Variants in URI1 observed in about 807,000 individuals in gnomAD.
URI1 encodes the protein URI1 prefoldin like chaperone, also known as unconventional prefoldin RPB5 interactor 1.
In URI1, 39 loss-of-function variants were observed where a neutral mutation model predicts 60.2. The ratio of observed to expected loss-of-function variants is 0.65; its 90% CI spans 0.50 to 0.85. The LOEUF (loss-of-function observed/expected upper bound fraction) is 0.85. Ranked by LOEUF, URI1 falls within the 40% of genes least tolerant of loss-of-function variation. The pLI is 0.00. For synonymous variants in URI1, 251 were observed against 236.8 expected (o/e 1.06, Z -0.55); for missense variants, 691 against 665.9 (o/e 1.04, Z -0.42).
intron 1 of URI1, among the ~76,000 whole-genome samples, chr19:29,968,434 C>G (rs1357075848): frequency 2.0e-5 from 3 of 151,630 alleles, no homozygotes; most frequent in Non-Finnish European, 2.9e-5. Context: ...AAATTTAATA[C>G]TTAAAGTAAT....
intron 2 of URI1, 42 bp downstream of exon 2, chr19:29,971,269 G>A: frequency 6.3e-7 from 1 of 1,597,208 alleles, no homozygotes; most frequent in Non-Finnish European, 8.6e-7. Flanking sequence ...AAATACTGAT[G>A]GGGTAACCTA....
intron 1 of URI1, among the ~76,000 whole-genome samples, chr19:29,935,078 T>A (rs541080583): frequency 9.2e-5 from 14 of 152,352 alleles, no homozygotes; most frequent in Admixed American, 2.6e-4. Context: ...GTACATTTTT[T>A]AAATTTTGTT....
At chr19:29,937,843 C>A (rs2054986843), upstream of URI1, 1 of 152,190 alleles carries the variant, frequency 6.6e-6, no homozygotes, top group African/African-American at 2.4e-5. Context: ...TGCAACCAGC[C>A]AGCCATTCCA....
chr19:29,951,980 A>G (rs930273732), intron 1 of URI1, among the ~76,000 whole-genome samples: 10 of 152,258 alleles, frequency 6.6e-5, no homozygotes, highest in Middle Eastern at 3.2e-3. Flanking sequence ...AGAAATGCTT[A>G]GAAACCAAGA....
intron 1 of URI1, among the ~76,000 whole-genome samples, chr19:29,931,910 T>TTTTG (rs1555734364): frequency 7.1e-6 from 1 of 139,992 alleles, no homozygotes; most frequent in Admixed American, 7.2e-5. Context: ...GCTCTAACAG[T>TTTTG]TGTGTGTGTG....
intron 4 of URI1, among the ~76,000 whole-genome samples, chr19:29,989,583 C>T (rs1051826960): frequency 6.6e-5 from 10 of 151,090 alleles, no homozygotes; most frequent in South Asian, 2.1e-4. Context: ...CCACCACGCC[C>T]GGCTAATTTT....
intron 1 of URI1, among the ~76,000 whole-genome samples, chr19:29,927,808 C>T (rs1294895743): frequency 6.6e-6 from 1 of 151,866 alleles, no homozygotes; most frequent in Non-Finnish European, 1.5e-5. Flanking sequence ...AACTCCTGAC[C>T]TCAAGTGATC....
chr19:29,999,634 A>C (rs112716127), intron 4 of URI1, among the ~76,000 whole-genome samples: 2 of 151,868 alleles, frequency 1.3e-5, no homozygotes, highest in African/African-American at 4.8e-5. Flanking sequence ...CAGTTTGATT[A>C]TAGTGTGTCT....
chr19:29,967,157 G>T (rs1248159089), intron 1 of URI1, among the ~76,000 whole-genome samples: 2 of 152,298 alleles, frequency 1.3e-5, no homozygotes, highest in African/African-American at 2.4e-5. Context: ...AGCAGCTTCT[G>T]AGGAACAACA....
At chr19:30,003,530 A>G (rs930555093) in intron 4 of URI1, among the ~76,000 whole-genome samples, 6 of 152,016 alleles carry the variant, frequency 3.9e-5, no homozygotes, top group Non-Finnish European at 7.4e-5. Context: ...GAACTGTGCA[A>G]TCGTATTTCA....
chr19:29,960,824 AT>A (rs1437139129), intron 1 of URI1, among the ~76,000 whole-genome samples: 1 of 152,092 alleles, frequency 6.6e-6, no homozygotes, highest in African/African-American at 2.4e-5. Flanking sequence ...TATTCAAAAA[AT>A]TGTAGTAAAT....
chr19:29,948,957 G>A (rs571957608), intron 1 of URI1, among the ~76,000 whole-genome samples: 7 of 150,818 alleles, frequency 4.6e-5, no homozygotes, highest in Admixed American at 2.6e-4. Context: ...GACCGCGGCC[G>A]GGCGGAGGCG....
chr19:29,942,446 G>C lies in URI1; in HGVS notation c.-102G>C. ...GCCTCCTGGGCGCGGGGCGCGCGGT[G>C]CCTGAGGGCGGGCGCGCGGGCGCTG... On this transcript the variant is annotated 5_prime_UTR_variant, in exon 1 of 11. Coordinates refer to ENST00000392271, the MANE Select transcript of URI1 (RefSeq NM_003796.3). The C allele has an allele frequency of 1.0e-6, 1 of 998,698 alleles. No homozygotes were observed. The highest frequency in any genetic ancestry group is 1.2e-6 in the Non-Finnish European group (1 of 839,304). 61.9% of individuals were successfully genotyped at this position (998,698 alleles called of 1,614,324 possible). A position where few individuals can be genotyped will look rare whatever the true frequency, so the allele number is the denominator to read the frequency against.
rs1162351179 is a variant in URI1 at position 30,012,422 on chromosome 19, G to A, written c.1316G>A (p.Arg439Lys). 1.9e-6 allele frequency: 3 copies of A among 1,614,154 alleles called. No individual in the cohort carries two copies. Among genetic ancestry groups the A allele is most frequent in the Non-Finnish European group, 2.5e-6 (3 of 1,180,010 alleles). The change falls in exon 10 of 11, where the codon AGG becomes AAG. Residue 439 changes from arginine to lysine, a missense_variant. By Grantham distance (26) the Arg-to-Lys change is conservative. Transcript: ENST00000392271. Reference protein sequence around the residue: ...AEFDDRRGVLRSISCEEATCS... With the variant: ...AEFDDRRGVLKSISCEEATCS... ...TTTGATGATAGGCGGGGAGTTTTGA[G>A]GAGTATCAGCTGCGAAGAAGCCACT...
rs2056077767 is a variant in URI1 at position 30,015,715 on chromosome 19, T to C, written c.*646T>C. On this transcript the variant is annotated 3_prime_UTR_variant, in exon 11 of 11. Coordinates refer to ENST00000392271, the MANE Select transcript of URI1 (RefSeq NM_003796.3). ...ATGAAACTTGGTCTCAAAAATGTTG[T>C]GAACTTTATGATTCAAAATTGAGTA... The C allele has an allele frequency of 1.2e-6, 1 of 832,826 alleles. No individual in the cohort carries two copies. Among genetic ancestry groups the C allele is most frequent in the Admixed American group, 2.8e-5 (1 of 35,704 alleles). 51.6% of individuals were successfully genotyped at this position (832,826 alleles called of 1,614,324 possible).
At chr19:29,996,479 T>TTTTGTGTG (rs1555744956) in intron 4 of URI1, among the ~76,000 whole-genome samples, 4 of 150,428 alleles carry the variant, frequency 2.7e-5, no homozygotes, top group African/African-American at 9.7e-5. Context: ...CAAGGGTGTT[T>TTTTGTGTG]TGTGTGTGTG....
intron 4 of URI1, among the ~76,000 whole-genome samples, chr19:29,987,121 G>T (rs1244499406): frequency 6.6e-6 from 1 of 152,172 alleles, no homozygotes; most frequent in Non-Finnish European, 1.5e-5. Context: ...TTAAAATTAG[G>T]TTCAGTTTAT....
chr19:29,983,826 T>G (rs763915304), intron 2 of URI1, among the ~76,000 whole-genome samples: 1 of 152,216 alleles, frequency 6.6e-6, no homozygotes, highest in African/African-American at 2.4e-5. Flanking sequence ...TACGATCATC[T>G]CTGCCCCTAC....
At chr19:29,930,138 C>A (rs2054904134) in intron 1 of URI1, among the ~76,000 whole-genome samples, 1 of 152,034 alleles carries the variant, frequency 6.6e-6, no homozygotes, top group Non-Finnish European at 1.5e-5. Flanking sequence ...GGGGTTTCAC[C>A]ATGTTGGCCA....
Sources: gnomAD v4.1 joint callset for allele counts (sites outside exome capture counted in the v4.1 genomes callset) on GRCh38, gnomAD v4.1.1 for gene constraint, MANE v1.5 for transcripts, NCBI Gene and HGNC (gene_info 2026-07-23, HGNC 2026-07-21) for gene names.